NEB: variants seen among roughly 807,000 people sequenced by gnomAD.
The protein encoded by NEB is nemaline myopathy type 2.
In NEB, 512 loss-of-function variants were observed where a neutral mutation model predicts 952.2. The ratio of observed to expected loss-of-function variants is 0.54; its 90% confidence interval spans 0.50 to 0.58. NEB has a LOEUF of 0.58. Ranked by LOEUF, NEB falls within the 20% of genes least tolerant of loss-of-function variation. The probability of loss-of-function intolerance (pLI) is 0.00; values close to 1 mark genes in which losing one functional copy is unlikely to be tolerated. For synonymous variants in NEB, 2,900 were observed against 3,149.8 expected (o/e 0.92, Z 2.66); for missense variants, 8,428 against 9,231.1 (o/e 0.91, Z 3.56).
Position 151,485,768 on chromosome 2 carries a change from C to T in NEB, c.25570G>A (p.Ala8524Thr). ...GTGATGCTTTGAAATGCCTAAATAGCTTCAACGTAGTTGGCTGGGAGCATT... is the reference window on the plus strand; with the variant it reads ...GTGATGCTTTGAAATGCCTAAATAGTTTCAACGTAGTTGGCTGGGAGCATT... ...TGMLPANYVE[A>T]I Residue 8524 changes from alanine to threonine, a missense_variant, in exon 182 of 182, where the codon GCT (alanine) becomes ACT (threonine). Ala to Thr is a moderately conservative substitution (Grantham distance 58, BLOSUM62 0). Around this residue, in one of 11 missense-constraint regions of NEB, gnomAD observed 3,374 missense variants for 3,651.5 expected, o/e 0.92. Coordinates refer to ENST00000397345, the MANE Select transcript of NEB (RefSeq NM_001164508.2). The T allele has an allele frequency of 6.2e-7, 1 of 1,609,984 alleles. No individual in the cohort carries two copies. Among genetic ancestry groups the T allele is most frequent in the Non-Finnish European group, 8.5e-7 (1 of 1,176,888 alleles).
In NEB at chr2:151,666,101, T is replaced by C. The variant is rs2099214289; in HGVS notation, c.5020A>G (p.Ile1674Val). 2 of 1,612,330 alleles carry C rather than the reference T, an allele frequency of 1.2e-6. No individual in the cohort carries two copies. Among genetic ancestry groups the C allele is most frequent in the Non-Finnish European group, 1.7e-6 (2 of 1,178,672 alleles). ...TAACCAGTACATACATCACTCTGAA[T>C]CTGCATGGCATTCCTGGAGTGCTCC... Reference protein sequence around the residue: ...NVEHSRNAMQIQSDNLYKSDF... With the variant: ...NVEHSRNAMQVQSDNLYKSDF... Residue 1674 changes from isoleucine to valine, a missense_variant, in exon 41 of 182, where the codon ATT becomes GTT. Transcript: ENST00000397345.
chr2:151,628,869 TCAAACAAA>T (rs377274148), intron 68 of NEB, among the ~76,000 whole-genome samples: 3 of 150,092 alleles, frequency 2.0e-5, no homozygotes, highest in Non-Finnish European at 3.0e-5. Context: ...AGACTCTGTC[TCAAACAAA>T]CAAACAAACA....
intron 56 of NEB, among the ~76,000 whole-genome samples, 166 bp from the exon 57 acceptor site, chr2:151,644,295 C>T (rs779507998): frequency 2.9e-4 from 44 of 152,148 alleles, no homozygotes; most frequent in Non-Finnish European, 4.0e-4. Flanking sequence ...CTATGAAATT[C>T]CATACATAAT....
At chr2:151,512,270 GTGATCCACCCACC>G (rs2075092184) in intron 161 of NEB, among the ~76,000 whole-genome samples, 1 of 151,912 alleles carries the variant, frequency 6.6e-6, no homozygotes, top group South Asian at 2.1e-4. Flanking sequence ...TCCTGACCTT[GTGATCCACCCACC>G]TCGGCCTCCC....
At position 151,600,604 on chromosome 2, in the gene NEB, G is replaced by C. The variant is rs201225445; in HGVS notation, c.13626C>G (p.Ala4542=). 1.0e-3 allele frequency: 18 copies of C among 17,272 alleles called. No homozygotes were observed. The highest frequency in any genetic ancestry group is 8.3e-3 in the East Asian group (6 of 726). 1.1% of individuals were successfully genotyped at this position (17,272 alleles called of 1,614,324 possible). ...LYKKAYNDHK[A]KISIPVDMVS... ...CCATGTCCACAGGGATGGAGATCTTGGCTTTGTGGTCGTTGTAGGCCTTTT... is the reference window on the plus strand; with the variant it reads ...CCATGTCCACAGGGATGGAGATCTTCGCTTTGTGGTCGTTGTAGGCCTTTT... The change falls in exon 89 of 182, where the codon GCC becomes GCG. Residue 4542 remains alanine (A), a synonymous_variant. Transcript: ENST00000397345.
chr2:151,615,856 TCCA>T, intron 76 of NEB, 143 bp downstream of exon 76: 1 of 650,962 alleles, frequency 1.5e-6, no homozygotes, highest in Non-Finnish European at 2.6e-6. Context: ...TTTCTTTTTT[TCCA>T]TTTACAATTT....
At chr2:151,615,948 T>C in intron 76 of NEB, 54 bp downstream of exon 76, 1 of 1,337,296 alleles carries the variant, frequency 7.5e-7, no homozygotes, top group Non-Finnish European at 1.0e-6. Flanking sequence ...TCTAAAAGCT[T>C]CTATTTGTCA....
At chr2:151,601,243 G>A (rs1321570618) in intron 88 of NEB, among the ~76,000 whole-genome samples, 1 of 91,472 alleles carries the variant, frequency 1.1e-5, no homozygotes, top group Non-Finnish European at 2.1e-5. Context: ...CCAGTAGCTG[G>A]GATTACAGGC....
intron 141 of NEB, among the ~76,000 whole-genome samples, chr2:151,536,115 C>A (rs1294016766): frequency 6.6e-6 from 1 of 152,114 alleles, no homozygotes; most frequent in African/African-American, 2.4e-5. Flanking sequence ...GTCATATTGC[C>A]CAGGCTGGTC....
intron 146 of NEB, among the ~76,000 whole-genome samples, 155 bp from the exon 147 acceptor site, chr2:151,527,740 G>A: frequency 6.6e-6 from 1 of 152,184 alleles, no homozygotes; most frequent in East Asian, 1.9e-4. Flanking sequence ...TACAATTTAT[G>A]CAGCTAGTCA....
chr2:151,526,350 C>A (rs915059222), intron 148 of NEB, 88 bp from the exon 149 acceptor site: 1 of 891,626 alleles, frequency 1.1e-6, no homozygotes, highest in East Asian at 2.6e-5. Context: ...AGAACAGCAG[C>A]GTTGACAATA....
chr2:151,496,551 C>T (rs977844506), intron 172 of NEB, among the ~76,000 whole-genome samples, 183 bp from the exon 173 acceptor site: 12 of 152,302 alleles, frequency 7.9e-5, no homozygotes, highest in Admixed American at 3.9e-4. Flanking sequence ...GGGGAATCTG[C>T]ACCCTCTAGA....
intron 155 of NEB, among the ~76,000 whole-genome samples, chr2:151,518,690 G>A (rs2079715841): frequency 6.6e-6 from 1 of 152,152 alleles, no homozygotes; most frequent in Admixed American, 6.6e-5. Flanking sequence ...ATTCCAGAGG[G>A]TATTTCTATG....
intron 46 of NEB, among the ~76,000 whole-genome samples, chr2:151,661,345 T>G (rs1053901420): frequency 1.3e-5 from 2 of 152,166 alleles, no homozygotes; most frequent in African/African-American, 2.4e-5. Context: ...CACAAATCAT[T>G]CAATTCTCTG....
In NEB at chr2:151,518,270, C is replaced by A. The variant is rs780322139; in HGVS notation, c.22800+48G>T. Reference sequence around the variant, plus strand: ...CTATGAAATTTTTTTTCACATTGTACTGTGGATGAATGTGCGCCAGAGGAA... The same window carrying A: ...CTATGAAATTTTTTTTCACATTGTAATGTGGATGAATGTGCGCCAGAGGAA... On this transcript the variant is annotated intron_variant, in intron 156 of 181. Transcript: ENST00000397345. 2.0e-5 allele frequency: 27 copies of A among 1,317,614 alleles called. No homozygotes were observed. In the Admixed American group the frequency reaches 4.2e-4, roughly 20 times the overall value. The allele number at this position is 1,317,614 out of a possible 1,614,324, so 81.6% of individuals were successfully genotyped here.
rs1377472820 is a variant in NEB, at chr2:151,524,584, C to T, written c.22305G>A (p.Leu7435=). Residue 7435 remains leucine (L), a synonymous_variant, in exon 152 of 182, where the codon CTG becomes CTA. Coordinates refer to ENST00000397345, the MANE Select transcript of NEB (RefSeq NM_001164508.2). ...GTCGATCAGCCACTGTGGTGTAATG[C>T]AGGTTCTCTTTGGCATCTTTTCTGT... The part of the protein sequence containing the change: ...VAYRKDAKEN[L]HYTTVADRPD... The T allele has an allele frequency of 5.6e-6, 9 of 1,594,774 alleles. No homozygotes were observed. Among genetic ancestry groups the T allele is most frequent in the African/African-American group, 4.1e-5 (3 of 72,458 alleles).
At chr2:151,692,614 C>T (rs866430146) in intron 20 of NEB, among the ~76,000 whole-genome samples, 2 of 151,992 alleles carry the variant, frequency 1.3e-5, no homozygotes, top group Non-Finnish European at 2.9e-5. Context: ...AAACGCACAC[C>T]AATGCTGTCT....
rs1328286361 is a variant in NEB, at chr2:151,627,029, G to A, written c.10320C>T (p.Ala3440=). 3.1e-6 allele frequency: 5 copies of A among 1,613,820 alleles called. No individual in the cohort carries two copies. Among genetic ancestry groups the A allele is most frequent in the Non-Finnish European group, 3.4e-6 (4 of 1,179,866 alleles). The part of the protein sequence containing the change: ...SVTDSLEQVL[A]KNNALNMNKR... ...TGTTCATATTGAGAGCATTGTTCTTGGCCAGCACCTGCTCTAGAGAGTCAG... is the reference window on the plus strand; with the variant it reads ...TGTTCATATTGAGAGCATTGTTCTTAGCCAGCACCTGCTCTAGAGAGTCAG... Residue 3440 remains alanine (A), a synonymous_variant, in exon 70 of 182, where the codon GCC becomes GCT. Coordinates refer to ENST00000397345, the MANE Select transcript of NEB (RefSeq NM_001164508.2).
intron 135 of NEB, among the ~76,000 whole-genome samples, chr2:151,544,082 G>A (rs1213788310): frequency 1.3e-5 from 2 of 152,186 alleles, no homozygotes; most frequent in Non-Finnish European, 2.9e-5. Context: ...ATTCAGGGGA[G>A]TGGCTTGGAT....
Sources: gnomAD v4.1 joint callset for allele counts (sites outside exome capture counted in the v4.1 genomes callset) on GRCh38, gnomAD v4.1.1 for gene constraint, gnomAD v4.1.1 regional missense constraint, MANE v1.5 for transcripts, NCBI Gene and HGNC (gene_info 2026-07-23, HGNC 2026-07-21) for gene names.